ZFP28: variants seen among roughly 807,000 people sequenced by gnomAD.
The protein encoded by ZFP28 is zinc finger protein 28 homolog.
Under a neutral mutation model 39.5 loss-of-function variants are expected in ZFP28, and 31 were observed. The observed-to-expected ratio is 0.79, with a 90% CI of 0.59 to 1.06. ZFP28 has a LOEUF of 1.06. Ranked by LOEUF, ZFP28 falls within the 50% of genes least tolerant of loss-of-function variation. ZFP28 has a pLI of 0.00. For synonymous variants in ZFP28, 400 were observed against 378.6 expected, an observed-to-expected ratio of 1.06 and a Z score of -0.66; for missense variants, 925 against 1,048.4, an observed-to-expected ratio of 0.88 and a Z score of 1.63.
chr19:56,553,813 A>AT lies in ZFP28; in HGVS notation c.1029dup (p.Val344CysfsTer22). The AT allele has an allele frequency of 3.1e-6, 5 of 1,614,138 alleles. No homozygotes were observed. Among genetic ancestry groups the AT allele is most frequent in the Non-Finnish European group, 4.2e-6 (5 of 1,180,012 alleles). On this transcript the variant is annotated frameshift_variant, in exon 8 of 8. Transcript: ENST00000301318. LOFTEE classifies it low-confidence loss of function (END_TRUNC). ...TTCAGAGAAAATTGGGATTCTGACT[A>AT]TGTGTTTGGAAGGAAGCTTGCAGTA...
intron 2 of ZFP28, among the ~76,000 whole-genome samples, chr19:56,540,712 A>G (rs2044188338): frequency 8.8e-6 from 1 of 114,254 alleles, no homozygotes; most frequent in African/African-American, 2.6e-5. Context: ...TTCTGCTCTT[A>G]TAGAGCTAAA....
Position 56,554,889 on chromosome 19 carries a change from A to C in ZFP28, c.2104A>C (p.Lys702Gln). 6.2e-7 allele frequency: 1 copy of C among 1,614,180 alleles called. No homozygotes were observed. Among genetic ancestry groups the C allele is most frequent in the South Asian group, 1.1e-5 (1 of 91,088 alleles). The change falls in exon 8 of 8, where the codon AAA becomes CAA. Residue 702 changes from lysine (K) to glutamine (Q), a missense_variant. Lys to Gln is a moderately conservative substitution (Grantham distance 53). Coordinates refer to ENST00000301318, the MANE Select transcript of ZFP28 (RefSeq NM_020828.2). The surrounding 1 kb of genome is among the most constrained non-coding windows in gnomAD (Gnocchi z 6.7). Reference sequence around the variant, plus strand: ...AGTTCACACTGGTGAGAAACCCTATAAATGTATGGAATGTGGGAAGGCCTT... The same window carrying C: ...AGTTCACACTGGTGAGAAACCCTATCAATGTATGGAATGTGGGAAGGCCTT... Reference protein sequence around the residue: ...QRVHTGEKPYKCMECGKAFGD... With the variant: ...QRVHTGEKPYQCMECGKAFGD...
rs189372516 is a variant in ZFP28 at position 56,550,394 on chromosome 19, C to G, written c.803-116C>G. On this transcript the variant is annotated intron_variant, in intron 6 of 7. Transcript: ENST00000301318. ...ATCTTCTTGTGTCTTTCAGATCCTA[C>G]TCACCTGTTTTTCTGTTTCTTTCAG... is the stretch of plus-strand genomic sequence containing the variant. 1.2e-3 allele frequency: 1,128 copies of G among 972,086 alleles called. 2 individuals carry two copies. Among genetic ancestry groups the G allele is most frequent in the Non-Finnish European group, 1.6e-3 (1,034 of 647,878 alleles). 60.2% of individuals were successfully genotyped at this position (972,086 alleles called of 1,614,324 possible).
chr19:56,552,156 TC>T, intron 7 of ZFP28: 1 of 328,140 alleles, frequency 3.0e-6, no homozygotes, highest in Non-Finnish European at 4.4e-6. Context: ...GGAGGTCTTC[TC>T]CAGTTTTCAC....
At position 56,550,867 on chromosome 19, in the gene ZFP28, C is replaced by T. The variant is rs961213935; in HGVS notation, c.898+262C>T. ...TCATCCACTTGCTTCCTTAAATGATCTTTTCTGGACCCTGATGCACTTTTG... is the reference window on the plus strand; with the variant it reads ...TCATCCACTTGCTTCCTTAAATGATTTTTTCTGGACCCTGATGCACTTTTG... On this transcript the variant is annotated intron_variant, in intron 7 of 7. Coordinates refer to ENST00000301318, the MANE Select transcript of ZFP28 (RefSeq NM_020828.2). 18 of 1,444,526 alleles carry T rather than the reference C, an allele frequency of 1.2e-5. No homozygotes were observed. In the South Asian group the frequency reaches 2.2e-4, roughly 18 times the overall value. The allele number at this position is 1,444,526 out of a possible 1,614,324, so 89.5% of individuals were successfully genotyped here.
chr19:56,539,752 AG>A, intron 2 of ZFP28, 36 bp downstream of exon 2: 1 of 1,590,698 alleles, frequency 6.3e-7, no homozygotes, highest in Admixed American at 1.7e-5. Flanking sequence ...TCTGAAATGC[AG>A]TCTTGCTTTT....
Position 56,549,138 on chromosome 19 carries a change from A to T in ZFP28, c.687+17A>T. 1.3e-6 allele frequency: 2 copies of T among 1,590,812 alleles called. No individual in the cohort carries two copies. Among genetic ancestry groups the T allele is most frequent in the Non-Finnish European group, 1.7e-6 (2 of 1,167,382 alleles). On this transcript the variant is annotated intron_variant, in intron 5 of 7. Coordinates refer to ENST00000301318, the MANE Select transcript of ZFP28 (RefSeq NM_020828.2). ...ACACAGCCGGTAAGTCACAAGACAAATTTCAGGCAAGAGGAAGGATCCTTC... is the reference window on the plus strand; with the variant it reads ...ACACAGCCGGTAAGTCACAAGACAATTTTCAGGCAAGAGGAAGGATCCTTC...
Position 56,556,181 on chromosome 19 carries a change from A to T in ZFP28, c.*789A>T, listed in dbSNP as rs1349113564. 1.3e-5 allele frequency: 2 copies of T among 152,230 alleles called. No homozygotes were observed. The highest frequency in any genetic ancestry group is 2.4e-5 in the African/African-American group (1 of 41,458). The allele number at this position is 152,230 out of a possible 1,614,324, so 9.4% of individuals were successfully genotyped here. A position where few individuals can be genotyped will look rare whatever the true frequency, so the allele number is the denominator to read the frequency against. On this transcript the variant is annotated 3_prime_UTR_variant, in exon 8 of 8. Transcript: ENST00000301318. ...GGTCCATGATCTAGAATTTAAAAAA[A>T]TTTTAAAGGGTTGAAAAAAGTGAAA...
intron 6 of ZFP28, 142 bp downstream of exon 6, chr19:56,550,323 C>T: frequency 1.0e-6 from 1 of 968,300 alleles, no homozygotes; most frequent in Non-Finnish European, 1.5e-6. Flanking sequence ...AAGAATTTGG[C>T]ATTTGTAGAG....
At position 56,541,877 on chromosome 19, in the gene ZFP28, A is replaced by ATT. The variant is rs11297964; in HGVS notation, c.300+2192_300+2193dup. ...CCCGAGTAGCCACCACACCTGGCTA[A>ATT]TTTTTTTTTTTTTTTTTTTTTTTTT... On this transcript the variant is annotated intron_variant, in intron 2 of 7. Transcript: ENST00000301318. 3.6e-3 allele frequency among the ~76,000 whole-genome samples: 221 copies of ATT among 61,330 alleles called. 5 individuals carry two copies. Among genetic ancestry groups the ATT allele is most frequent in the Non-Finnish European group, 5.0e-3 (187 of 37,344 alleles). 40.2% of individuals were successfully genotyped at this position (61,330 alleles called of 152,430 possible).
chr19:56,555,591 T>A lies in ZFP28; in HGVS notation c.*199T>A, dbSNP rs1225156901. On this transcript the variant is annotated 3_prime_UTR_variant, in exon 8 of 8. Transcript: ENST00000301318. Reference sequence around the variant, plus strand: ...GCTCAGCACAGTGCCTGGTCCATAGTAAGTGCTCAGTAAACTTAGCTGTTT... The same window carrying A: ...GCTCAGCACAGTGCCTGGTCCATAGAAAGTGCTCAGTAAACTTAGCTGTTT... 1 of 673,928 alleles carries A rather than the reference T, an allele frequency of 1.5e-6. No homozygotes were observed. The highest frequency in any genetic ancestry group is 1.8e-5 in the African/African-American group (1 of 54,340). 41.7% of individuals were successfully genotyped at this position (673,928 alleles called of 1,614,324 possible).
At position 56,555,279 on chromosome 19, in the gene ZFP28, C is replaced by A; in HGVS notation, c.2494C>A (p.Gln832Lys). ...FRQTAHLAHH[Q>K]RIHTGESSTC... Reference sequence around the variant, plus strand: ...GCAAACTGCTCACTTAGCTCATCATCAGCGAATTCATACTGGAGAGTCGTC... The same window carrying A: ...GCAAACTGCTCACTTAGCTCATCATAAGCGAATTCATACTGGAGAGTCGTC... The change falls in exon 8 of 8, where the codon CAG (glutamine) becomes AAG (lysine). Residue 832 changes from glutamine to lysine, a missense_variant. Physicochemically the swap from Gln to Lys is moderately conservative, Grantham distance 53. Transcript: ENST00000301318. 6.2e-7 allele frequency: 1 copy of A among 1,614,166 alleles called. No homozygotes were observed. Among genetic ancestry groups the A allele is most frequent in the South Asian group, 1.1e-5 (1 of 91,086 alleles).
In ZFP28 at chr19:56,554,395, T is replaced by C. The variant is rs1365454269; in HGVS notation, c.1610T>C (p.Val537Ala). ...HTGEKPYKCDVCHKSFRYGSS... is the reference protein window; with the variant it reads ...HTGEKPYKCDACHKSFRYGSS... ...GGAGAGAAACCTTACAAATGTGATGTATGTCACAAATCCTTCAGGTATGGT... is the reference window on the plus strand; with the variant it reads ...GGAGAGAAACCTTACAAATGTGATGCATGTCACAAATCCTTCAGGTATGGT... The change falls in exon 8 of 8, where the codon GTA becomes GCA. Residue 537 changes from valine to alanine, a missense_variant. Physicochemically the swap from Val to Ala is moderately conservative, Grantham distance 64 (BLOSUM62 0). Coordinates refer to ENST00000301318, the MANE Select transcript of ZFP28 (RefSeq NM_020828.2). This position sits in a 1 kb window ranked among gnomAD's most constrained non-coding sequence, Gnocchi z 6.7. 6.2e-7 allele frequency: 1 copy of C among 1,614,162 alleles called. No individual in the cohort carries two copies. The highest frequency in any genetic ancestry group is 1.1e-5 in the South Asian group (1 of 91,086).
intron 7 of ZFP28, chr19:56,551,787 T>C (rs927484729): frequency 6.1e-6 from 6 of 984,324 alleles, no homozygotes; most frequent in African/African-American, 1.7e-5. Flanking sequence ...TTTTCTCTTA[T>C]CTTCTTGTAA....
chr19:56,539,303 C>A, intron 1 of ZFP28, 77 bp downstream of exon 1: 1 of 1,402,862 alleles, frequency 7.1e-7, no homozygotes, highest in Non-Finnish European at 9.5e-7. Context: ...GGGGGTTGGG[C>A]TCTCGGGGAC....
chr19:56,549,543 G>A (rs1169112535), intron 5 of ZFP28, among the ~76,000 whole-genome samples: 1 of 152,102 alleles, frequency 6.6e-6, no homozygotes, highest in African/African-American at 2.4e-5. Context: ...CGGGCGTGCT[G>A]GCGGGCGCCT....
At position 56,554,368 on chromosome 19, in the gene ZFP28, C is replaced by A; in HGVS notation, c.1583C>A (p.Thr528Asn). 6.2e-7 allele frequency: 1 copy of A among 1,614,130 alleles called. No individual in the cohort carries two copies. The highest frequency in any genetic ancestry group is 8.5e-7 in the Non-Finnish European group (1 of 1,180,038). ...CTTAATCAACACAGGAGAATTCATA[C>A]TGGAGAGAAACCTTACAAATGTGAT... ...IGLNQHRRIHTGEKPYKCDVC... is the reference protein window; with the variant it reads ...IGLNQHRRIHNGEKPYKCDVC... Residue 528 changes from threonine to asparagine, a missense_variant, in exon 8 of 8, where the codon ACT (threonine) becomes AAT (asparagine). Coordinates refer to ENST00000301318, the MANE Select transcript of ZFP28 (RefSeq NM_020828.2). The surrounding 1 kb of genome is among the most constrained non-coding windows in gnomAD (Gnocchi z 6.7).
In ZFP28 at chr19:56,547,528, TGTGGCTGTAGATTTCTCCCAAGAGGA is replaced by T; in HGVS notation, c.326_351del (p.Ala109GlyfsTer31). 1 of 1,614,156 alleles carries T rather than the reference TGTGGCTGTAGATTTCTCCCAAGAGGA, an allele frequency of 6.2e-7. No homozygotes were observed. The highest frequency in any genetic ancestry group is 1.1e-5 in the South Asian group (1 of 91,074). On this transcript the variant is annotated frameshift_variant, in exon 3 of 8. Coordinates refer to ENST00000301318, the MANE Select transcript of ZFP28 (RefSeq NM_020828.2). LOFTEE classifies it high-confidence loss of function. This position sits in a 1 kb window ranked among gnomAD's most constrained non-coding sequence, Gnocchi z 4.6. ...TTCAGGGCTTGGTGACATTTGGGGA[TGTGGCTGTAGATTTCTCCCAAGAGGA>T]GTGGGAGTGGCTGAACCCCATTCAG... is the stretch of plus-strand genomic sequence containing the variant.
rs372903510 is a variant in ZFP28, at chr19:56,550,689, T to G, written c.898+84T>G. ...CAAAAAGGCTGCATCCTCACTAATA[T>G]ACAGTAGGAAACTTTACCCAGGGTC... On this transcript the variant is annotated intron_variant, in intron 7 of 7. Transcript: ENST00000301318. 5.4e-5 allele frequency: 86 copies of G among 1,603,312 alleles called. 1 individual carries two copies. Among genetic ancestry groups the G allele is most frequent in the East Asian group, 2.2e-4 (10 of 44,814 alleles).
Sources: allele counts gnomAD v4.1 joint callset (sites outside exome capture counted in the v4.1 genomes callset), GRCh38; gene constraint gnomAD v4.1.1; non-coding constraint Gnocchi (gnomAD v3.1); transcripts MANE v1.5; gene names NCBI Gene and HGNC (gene_info 2026-07-23, HGNC 2026-07-21).